The following MSH6 variants were observed in gnomAD, a reference collection of about 807,000 sequenced individuals.
MSH6 encodes the protein mutS homolog 6.
Under a neutral mutation model 119.1 loss-of-function variants are expected in MSH6, and 85 were observed. That is an observed-to-expected ratio of 0.71 (90% confidence interval 0.60 to 0.85). The LOEUF is 0.85. Ranked by LOEUF, MSH6 falls within the 40% of genes least tolerant of loss-of-function variation. The probability of loss-of-function intolerance (pLI) is 0.00; values close to 1 mark genes in which losing one functional copy is unlikely to be tolerated. For synonymous variants in MSH6, 830 were observed against 586.9 expected (o/e 1.41, Z -5.99); for missense variants, 2,163 against 1,655.3 (o/e 1.31, Z -5.32).
Position 47,783,245 on chromosome 2 carries a change from G to C in MSH6, c.12G>C (p.Gln4His), listed in dbSNP as rs1558644700. MSR[Q>H]STLYSFFPKS... is the part of the protein sequence containing the mutation. The stretch of plus-strand genomic sequence containing the variant: ...TGCCGGCTGTCGGTATGTCGCGACA[G>C]AGCACCCTGTACAGCTTCTTCCCCA... The change falls in exon 1 of 10, where the codon CAG (glutamine) becomes CAC (histidine). Residue 4 changes from glutamine (Q) to histidine (H), a missense_variant. Transcript: ENST00000234420. 2.5e-6 allele frequency: 4 copies of C among 1,611,630 alleles called. No individual in the cohort carries two copies. In the South Asian group the frequency reaches 3.3e-5, roughly 13 times the overall value.
At chr2:47,804,138 T>G (rs1032046877) in intron 5 of MSH6, among the ~76,000 whole-genome samples, 12 of 152,156 alleles carry the variant, frequency 7.9e-5, no homozygotes, top group Admixed American at 2.0e-4. Context: ...TGGCCCTTTT[T>G]TTTTTGTTGT....
chr2:47,807,915 A>AGAGT (rs1339835839), downstream of MSH6: 4 of 527,712 alleles, frequency 7.6e-6, no homozygotes, highest in Non-Finnish European at 1.3e-5. Flanking sequence ...AGTAATGCTA[A>AGAGT]AACACCCAGC....
At chr2:47,805,074 G>A (rs1669889936) in intron 6 of MSH6, 47 bp downstream of exon 6, 1 of 1,259,870 alleles carries the variant, frequency 7.9e-7, no homozygotes, top group Non-Finnish European at 1.2e-6. Context: ...TCATTTAGAT[G>A]TGATAAAAGA....
chr2:47,793,196 C>CTGT (rs1668847243), intron 2 of MSH6, among the ~76,000 whole-genome samples: 1 of 151,722 alleles, frequency 6.6e-6, no homozygotes, highest in Admixed American at 6.6e-5. Flanking sequence ...TGGCACATGC[C>CTGT]TGTAATCCCA....
At chr2:47,786,783 CT>C (rs2103997301) in intron 1 of MSH6, among the ~76,000 whole-genome samples, 1 of 151,404 alleles carries the variant, frequency 6.6e-6, no homozygotes, top group African/African-American at 2.4e-5. Flanking sequence ...ACAATGAGTT[CT>C]TTCATTTAGT....
At chr2:47,791,933 A>G (rs573348979) in intron 2 of MSH6, among the ~76,000 whole-genome samples, 1 of 151,286 alleles carries the variant, frequency 6.6e-6, no homozygotes. Context: ...TGCAACCGCC[A>G]CCTCCCGGGT....
intron 2 of MSH6, among the ~76,000 whole-genome samples, chr2:47,793,318 CAAAAAAAAAAAAA>C (rs34250836): frequency 0.13 from 6,475 of 49,018 alleles, 236 homozygotes; most frequent in Middle Eastern, 0.2. Context: ...GAGACTGTCT[CAAAAAAAAAAAAA>C]AAAAAAAAAA....
chr2:47,797,169 T>G (rs1669148467), intron 3 of MSH6, among the ~76,000 whole-genome samples: 1 of 152,190 alleles, frequency 6.6e-6, no homozygotes, highest in South Asian at 2.1e-4. Context: ...ATGTGTGGCC[T>G]AAGACAATTC....
chr2:47,783,223 C>G lies in MSH6; in HGVS notation c.-11C>G, dbSNP rs1225209597. On this transcript the variant is annotated 5_prime_UTR_variant, in exon 1 of 10. Transcript: ENST00000234420. Reference sequence around the variant, plus strand: ...GTCCGACAGAACGGTTGGGCCTTGCCGGCTGTCGGTATGTCGCGACAGAGC... The same window carrying G: ...GTCCGACAGAACGGTTGGGCCTTGCGGGCTGTCGGTATGTCGCGACAGAGC... 1.2e-6 allele frequency: 2 copies of G among 1,611,194 alleles called. No homozygotes were observed. The highest frequency in any genetic ancestry group is 1.7e-4 in the Middle Eastern group (1 of 6,056).
At chr2:47,795,790 A>G in intron 2 of MSH6, 104 bp from the exon 3 acceptor site, 1 of 942,494 alleles carries the variant, frequency 1.1e-6, no homozygotes. Context: ...TTTAAGATAG[A>G]GATGGGGTTT....
At chr2:47,794,818 G>T (rs564953760) in intron 2 of MSH6, among the ~76,000 whole-genome samples, 1 of 151,952 alleles carries the variant, frequency 6.6e-6, no homozygotes, top group African/African-American at 2.4e-5. Context: ...TTTTTGAGAT[G>T]GAGTCTTGCT....
rs986055474 is a variant in MSH6, at chr2:47,786,487, A to C, written c.260+2994A>C. On this transcript the variant is annotated intron_variant, in intron 1 of 9. Coordinates refer to ENST00000234420, the MANE Select transcript of MSH6 (RefSeq NM_000179.3). ...GTACCTGGTATTACAGGTGCCTGCCACCACGCCCAGCTAATTTTTGTGTTT... is the reference window on the plus strand; with the variant it reads ...GTACCTGGTATTACAGGTGCCTGCCCCCACGCCCAGCTAATTTTTGTGTTT... Among the ~76,000 whole-genome samples, 3 of 147,848 alleles carry C rather than the reference A, an allele frequency of 2.0e-5. 1 individual carries two copies. In the South Asian group the frequency reaches 6.7e-4, roughly 33 times the overall value.
In MSH6 at chr2:47,788,251, T is replaced by C. The variant is rs1211653590; in HGVS notation, c.261-2676T>C. On this transcript the variant is annotated intron_variant, in intron 1 of 9. Transcript: ENST00000234420. ...TTTTCTTTCATTCTTTCTTTCTTTT[T>C]TTTTTTTTTTTTTTTTTTTTTGAGA... Among the ~76,000 whole-genome samples the C allele has an allele frequency of 7.4e-4, 62 of 84,276 alleles. 1 individual carries two copies. Among genetic ancestry groups the C allele is most frequent in the Non-Finnish European group, 1.3e-3 (53 of 40,616 alleles). The allele number at this position is 84,276 out of a possible 152,430, so 55.3% of individuals were successfully genotyped here.
In MSH6 at chr2:47,783,575, G is replaced by C. The variant is rs886639942; in HGVS notation, c.260+82G>C. ...CCGGCGAGGGGAGGCTCGCACAGGGGGTTGGGGGGGTGCACGGCCTGGCCC... is the reference window on the plus strand; with the variant it reads ...CCGGCGAGGGGAGGCTCGCACAGGGCGTTGGGGGGGTGCACGGCCTGGCCC... On this transcript the variant is annotated intron_variant, in intron 1 of 9. Transcript: ENST00000234420. 12 of 1,337,808 alleles carry C rather than the reference G, an allele frequency of 9.0e-6. No individual in the cohort carries two copies. The African/African-American group carries it at 1.6e-4, about 17-fold the overall frequency. The allele number at this position is 1,337,808 out of a possible 1,614,324, so 82.9% of individuals were successfully genotyped here. A position where few individuals can be genotyped will look rare whatever the true frequency, so the allele number is the denominator to read the frequency against.
chr2:47,794,196 C>T (rs997142837), intron 2 of MSH6, among the ~76,000 whole-genome samples: 2 of 151,768 alleles, frequency 1.3e-5, no homozygotes, highest in Non-Finnish European at 2.9e-5. Context: ...CAAAAATTAG[C>T]CAGGCATGGT....
At position 47,800,841 on chromosome 2, in the gene MSH6, A is replaced by G. The variant is rs876659713; in HGVS notation, c.2858A>G (p.Glu953Gly). Residue 953 changes from glutamate to glycine, a missense_variant, in exon 4 of 10, where the codon GAA becomes GGA. Glu to Gly is a moderately conservative substitution (Grantham distance 98, BLOSUM62 -2). Transcript: ENST00000234420. ...DIRENEQSLL[E>G]YLEKQRNRIG... is the part of the protein sequence containing the mutation. ...AGAGAAAATGAACAGAGCCTCCTGG[A>G]ATACCTAGAGAAACAGCGCAACAGA... 1.9e-6 allele frequency: 3 copies of G among 1,614,110 alleles called. No individual in the cohort carries two copies. Among genetic ancestry groups the G allele is most frequent in the Non-Finnish European group, 2.5e-6 (3 of 1,180,006 alleles).
At chr2:47,809,802 G>A, downstream of MSH6, 2 of 755,470 alleles carry the variant, frequency 2.6e-6, no homozygotes, top group Middle Eastern at 3.6e-4. Flanking sequence ...TTCTTTTATA[G>A]AAGTACATTA....
intron 1 of MSH6, chr2:47,784,435 G>T: frequency 5.9e-6 from 1 of 169,542 alleles, no homozygotes; most frequent in Non-Finnish European, 1.2e-5. Flanking sequence ...GTCGGGAGTT[G>T]TCCTCACTTT....
intron 1 of MSH6, chr2:47,783,823 G>C: frequency 1.4e-6 from 1 of 735,924 alleles, no homozygotes; most frequent in East Asian, 6.0e-5. Flanking sequence ...GCAGCTCCGG[G>C]TGGGGAGGGG....
Sources: allele counts gnomAD v4.1 joint callset (sites outside exome capture counted in the v4.1 genomes callset), GRCh38; gene constraint gnomAD v4.1.1; transcripts MANE v1.5; gene names NCBI Gene and HGNC (gene_info 2026-07-23, HGNC 2026-07-21).